KHDC4: variants seen among roughly 807,000 people sequenced by gnomAD.
KHDC4 encodes KH homology domain-containing protein 4.
KHDC4 carries 19 observed loss-of-function variants against 74.5 expected under a neutral mutation model. The ratio of observed to expected loss-of-function variants is 0.26; its 90% CI spans 0.18 to 0.37. The LOEUF (loss-of-function observed/expected upper bound fraction) is 0.37. Among genes scored for constraint, KHDC4 ranks in the 10% least tolerant of loss-of-function variants. The pLI is 1.00. For missense variants in KHDC4, 632 were observed against 754.1 expected (o/e 0.84, Z 1.90); for synonymous variants, 253 against 266.1 (o/e 0.95, Z 0.48).
intron 3 of KHDC4, 71 bp from the exon 4 acceptor site, chr1:155,929,446 C>CCATT: frequency 3.2e-6 from 4 of 1,259,812 alleles, no homozygotes; most frequent in Non-Finnish European, 4.6e-6. Context: ...GATTTTCTTC[C>CCATT]CATTCATTCA....
intron 2 of KHDC4, 144 bp downstream of exon 2, chr1:155,933,489 T>C: frequency 1.8e-6 from 1 of 553,520 alleles, no homozygotes; most frequent in Non-Finnish European, 3.2e-6. Context: ...TTTCACCATG[T>C]TGGTCAGGCT....
chr1:155,921,717 A>G, intron 9 of KHDC4, 89 bp from the exon 10 acceptor site: 2 of 1,509,448 alleles, frequency 1.3e-6, no homozygotes, highest in African/African-American at 2.8e-5. Context: ...GGGAAGAAAA[A>G]TACTGAGGCA....
At chr1:155,928,443 G>A (rs937268347) in intron 4 of KHDC4, among the ~76,000 whole-genome samples, 3 of 152,040 alleles carry the variant, frequency 2.0e-5, no homozygotes, top group Admixed American at 6.6e-5. Flanking sequence ...CTTATTTTGT[G>A]TAGTTTAAGC....
intron 10 of KHDC4, chr1:155,920,023 C>G (rs528319814): frequency 3.9e-6 from 2 of 515,138 alleles, no homozygotes; most frequent in African/African-American, 1.9e-5. Flanking sequence ...AGAGAAGGAC[C>G]CACCATAAAT....
chr1:155,920,016 G>A (rs760993108), intron 10 of KHDC4: 2 of 517,046 alleles, frequency 3.9e-6, no homozygotes, highest in Non-Finnish European at 7.7e-6. Flanking sequence ...GGCCCACAGA[G>A]AAGGACCCAC....
chr1:155,923,279 A>G (rs1185135890), intron 8 of KHDC4, among the ~76,000 whole-genome samples: 2 of 152,164 alleles, frequency 1.3e-5, no homozygotes, highest in Admixed American at 1.3e-4. Flanking sequence ...CATCCCCCAA[A>G]CATGTCTAAC....
chr1:155,926,547 C>T (rs1418775281), intron 6 of KHDC4, 129 bp downstream of exon 6: 1 of 1,012,904 alleles, frequency 9.9e-7, no homozygotes, highest in African/African-American at 1.6e-5. Flanking sequence ...AAATTCCTGA[C>T]CTCAAATGAT....
intron 8 of KHDC4, 80 bp from the exon 9 acceptor site, chr1:155,921,998 A>G: frequency 1.2e-6 from 1 of 827,818 alleles, no homozygotes; most frequent in South Asian, 1.6e-5. Context: ...TAATTCTAGG[A>G]CCAAAGCCAT....
chr1:155,925,789 A>C lies in KHDC4; in HGVS notation c.736T>G (p.Phe246Val), dbSNP rs1673977774. 6.2e-7 allele frequency: 1 copy of C among 1,614,114 alleles called. No homozygotes were observed. The highest frequency in any genetic ancestry group is 8.5e-7 in the Non-Finnish European group (1 of 1,180,030). The change falls in exon 7 of 14, where the codon TTT becomes GTT. Residue 246 changes from phenylalanine to valine, a missense_variant. Physicochemically the swap from Phe to Val is conservative, Grantham distance 50. Transcript: ENST00000368321. ...FVGLEHAVPT[F>V]NVKEKVEGPG... ...CCTTCCACCTTCTCCTTGACATTAA[A>C]AGTGGGTACAGCATGTTCTAGACCC...
At chr1:155,926,070 C>G (rs1322964609) in intron 6 of KHDC4, 4 of 714,614 alleles carry the variant, frequency 5.6e-6, no homozygotes, top group Non-Finnish European at 1.0e-5. Flanking sequence ...CAGACTCAGC[C>G]TTCTTAGTCC....
At chr1:155,920,381 T>C (rs538558158) in intron 10 of KHDC4, among the ~76,000 whole-genome samples, 211 of 152,018 alleles carry the variant, frequency 1.4e-3, no homozygotes, top group Non-Finnish European at 2.5e-3. Flanking sequence ...GAGCTTGCAG[T>C]GAGCTGAGAT....
rs751199199 is a variant in KHDC4 at position 155,921,412 on chromosome 1, G to A, written c.1229C>T (p.Pro410Leu). Residue 410 changes from proline to leucine, a missense_variant, in exon 10 of 14, where the codon CCG becomes CTG. Coordinates refer to ENST00000368321, the MANE Select transcript of KHDC4 (RefSeq NM_014949.4). ...AGCTGGAGGCTGCACTTGTGTTATCGGGTATTGTGTTGGCACAGGTGGGAC... is the reference window on the plus strand; with the variant it reads ...AGCTGGAGGCTGCACTTGTGTTATCAGGTATTGTGTTGGCACAGGTGGGAC... ...TGVPPVPTQY[P>L]ITQVQPPAST... 6.2e-6 allele frequency: 10 copies of A among 1,613,934 alleles called. No homozygotes were observed. Among genetic ancestry groups the A allele is most frequent in the African/African-American group, 5.3e-5 (4 of 74,890 alleles).
At chr1:155,916,845 C>T (rs569786729) in intron 11 of KHDC4, 108 bp from the exon 12 acceptor site, 24 of 702,782 alleles carry the variant, frequency 3.4e-5, no homozygotes, top group Admixed American at 1.6e-4. Flanking sequence ...AGTTGTAGTA[C>T]GTTAAACTAC....
At chr1:155,927,055 T>C in intron 5 of KHDC4, 49 bp downstream of exon 5, 1 of 1,553,564 alleles carries the variant, frequency 6.4e-7, no homozygotes, top group Non-Finnish European at 8.9e-7. Flanking sequence ...CAGAGCCCTG[T>C]ACTTTGCTCT....
chr1:155,930,682 C>T (rs1572014542), intron 2 of KHDC4, among the ~76,000 whole-genome samples: 1 of 152,190 alleles, frequency 6.6e-6, no homozygotes, highest in African/African-American at 2.4e-5. Flanking sequence ...CCTTGTAAAG[C>T]TCTCAAAAAC....
intron 8 of KHDC4, 126 bp from the exon 9 acceptor site, chr1:155,922,044 A>C (rs1453677617): frequency 1.6e-6 from 1 of 615,448 alleles, no homozygotes; most frequent in East Asian, 3.0e-5. Context: ...GTTCCAATCA[A>C]ATTTAAACTT....
chr1:155,918,981 T>TTG (rs1673793894), intron 10 of KHDC4, among the ~76,000 whole-genome samples: 1 of 150,128 alleles, frequency 6.7e-6, no homozygotes, highest in Non-Finnish European at 1.5e-5. Context: ...GTTTTTTTTT[T>TTG]TTTTTTTTTT....
chr1:155,917,478 A>G, intron 11 of KHDC4, 21 bp downstream of exon 11: 1 of 1,587,496 alleles, frequency 6.3e-7, no homozygotes, highest in Non-Finnish European at 8.6e-7. Context: ...GAAGATAGGA[A>G]AACAGGGTAT....
chr1:155,917,900 TAAG>T (rs1050047627), intron 10 of KHDC4, among the ~76,000 whole-genome samples: 1 of 152,192 alleles, frequency 6.6e-6, no homozygotes, highest in African/African-American at 2.4e-5. Context: ...TTTGAACTTT[TAAG>T]AAAACTCTGT....
Sources: gnomAD v4.1 joint callset for allele counts (sites outside exome capture counted in the v4.1 genomes callset) on GRCh38, gnomAD v4.1.1 for gene constraint, MANE v1.5 for transcripts, NCBI Gene and HGNC (gene_info 2026-07-23, HGNC 2026-07-21) for gene names.